Variants in PXDN observed in about 807,000 individuals in gnomAD.
The protein encoded by PXDN is peroxidasin.
In PXDN, 77 loss-of-function variants were observed where a neutral mutation model predicts 140.3. The ratio of observed to expected loss-of-function variants is 0.55; its 90% confidence interval spans 0.46 to 0.66. The LOEUF is 0.66. Ranked by LOEUF, PXDN falls within the 30% of genes least tolerant of loss-of-function variation. The pLI is 0.00. For synonymous variants in PXDN, 911 were observed against 857.4 expected (o/e 1.06, Z -1.09); for missense variants, 1,838 against 2,039.5 (o/e 0.90, Z 1.90).
chr2:1,665,585 G>A (rs1683416200), intron 10 of PXDN, among the ~76,000 whole-genome samples: 1 of 152,238 alleles, frequency 6.6e-6, no homozygotes, highest in Admixed American at 6.5e-5. Context: ...TTGCACTGCT[G>A]TGCGTGCAGA....
At chr2:1,680,455 A>C in intron 6 of PXDN, 93 bp from the exon 7 acceptor site, 1 of 1,487,970 alleles carries the variant, frequency 6.7e-7, no homozygotes, top group Non-Finnish European at 9.3e-7. Flanking sequence ...GCGTCGGGAA[A>C]CATGTGCCAG....
intron 8 of PXDN, among the ~76,000 whole-genome samples, chr2:1,675,520 G>T (rs1683679777): frequency 6.6e-6 from 1 of 152,184 alleles, no homozygotes; most frequent in African/African-American, 2.4e-5. Flanking sequence ...TGAAGAGAGT[G>T]ACTGCACCTT....
chr2:1,645,434 C>T (rs1008475273), intron 17 of PXDN, among the ~76,000 whole-genome samples: 1 of 152,208 alleles, frequency 6.6e-6, no homozygotes, highest in Non-Finnish European at 1.5e-5. Context: ...CTATTCAAAG[C>T]TCTACTCGAT....
At chr2:1,743,666 G>A (rs1685604362) in intron 1 of PXDN, among the ~76,000 whole-genome samples, 1 of 130,828 alleles carries the variant, frequency 7.6e-6, no homozygotes, top group Admixed American at 7.3e-5. Flanking sequence ...AGGAGGGGAA[G>A]GGAGGAGGAG....
intron 11 of PXDN, chr2:1,664,639 T>C (rs750439215): frequency 3.6e-6 from 1 of 279,252 alleles, no homozygotes; most frequent in Non-Finnish European, 6.7e-6. Context: ...AAGAGGCTAC[T>C]TAAAAGCACA....
chr2:1,644,839 C>G, intron 17 of PXDN, 87 bp from the exon 18 acceptor site: 1 of 1,267,302 alleles, frequency 7.9e-7, no homozygotes, highest in Non-Finnish European at 1.0e-6. Flanking sequence ...TTCTTTCTTT[C>G]TATCACTATT....
intron 10 of PXDN, among the ~76,000 whole-genome samples, 197 bp downstream of exon 10, chr2:1,666,017 G>C (rs1375941271): frequency 6.6e-6 from 1 of 152,216 alleles, no homozygotes; most frequent in Non-Finnish European, 1.5e-5. Flanking sequence ...CCATACTACA[G>C]AGCCTTCTGT....
At chr2:1,638,689 C>A (rs1416576799) in intron 21 of PXDN, among the ~76,000 whole-genome samples, 157 bp downstream of exon 21, 3 of 152,144 alleles carry the variant, frequency 2.0e-5, no homozygotes, top group Non-Finnish European at 4.4e-5. Flanking sequence ...CCTGACCCAG[C>A]GTGCAGAAAT....
rs550784477 is a variant in PXDN at position 1,716,440 on chromosome 2, G to GAAAAAAAAA, written c.201-23315_201-23307dup. Among the ~76,000 whole-genome samples the GAAAAAAAAA allele has an allele frequency of 1.3e-3, 74 of 58,220 alleles. 1 individual carries two copies. In the East Asian group the frequency reaches 0.031, roughly 25 times the overall value. The allele number at this position is 58,220 out of a possible 152,430, so 38.2% of individuals were successfully genotyped here. Reference sequence around the variant, plus strand: ...GCAACAGAGTGAGACTCCATCTCAGGAAAAAAAAAAAAAAAAAAAAAAAAA... The same window carrying GAAAAAAAAA: ...GCAACAGAGTGAGACTCCATCTCAGGAAAAAAAAAAAAAAAAAAAAAAAAAAAAAAAAAA... On this transcript the variant is annotated intron_variant, in intron 1 of 22. Coordinates refer to ENST00000252804, the MANE Select transcript of PXDN (RefSeq NM_012293.3).
intron 11 of PXDN, 43 bp downstream of exon 11, chr2:1,664,915 G>A (rs781609712): frequency 4.6e-5 from 68 of 1,471,926 alleles, no homozygotes; most frequent in Non-Finnish European, 5.8e-5. Context: ...TCCTGCGTCT[G>A]TGGCCGCGGA....
At chr2:1,693,221 G>T in intron 1 of PXDN, 87 bp from the exon 2 acceptor site, 2 of 1,104,546 alleles carry the variant, frequency 1.8e-6, no homozygotes, top group Non-Finnish European at 2.6e-6. Context: ...TCAAAATGGT[G>T]ACAATGCATT....
chr2:1,652,170 C>G (rs1214198472), intron 16 of PXDN, among the ~76,000 whole-genome samples: 1 of 152,160 alleles, frequency 6.6e-6, no homozygotes, highest in Non-Finnish European at 1.5e-5. Flanking sequence ...CAACAGCCTG[C>G]CTTTGAGGAG....
chr2:1,728,128 G>A (rs1010972147), intron 1 of PXDN, among the ~76,000 whole-genome samples: 3 of 152,138 alleles, frequency 2.0e-5, no homozygotes, highest in Non-Finnish European at 2.9e-5. Flanking sequence ...TTGTAGAGAC[G>A]GGTCTCGCCA....
Position 1,685,452 on chromosome 2 carries a change from G to A in PXDN, c.417-1301C>T, listed in dbSNP as rs1042094107. ...GCTGACAGGGCGCCTGTGGTTTTCTGGGGTCCTTGGCCTTTCACAGCCCAT... is the reference window on the plus strand; with the variant it reads ...GCTGACAGGGCGCCTGTGGTTTTCTAGGGTCCTTGGCCTTTCACAGCCCAT... On this transcript the variant is annotated intron_variant, in intron 4 of 22. Transcript: ENST00000252804. The surrounding 1 kb of genome is among the most constrained non-coding windows in gnomAD (Gnocchi z 5.1). Among the ~76,000 whole-genome samples, 1 of 152,114 alleles carries A rather than the reference G, an allele frequency of 6.6e-6. No homozygotes were observed. The highest frequency in any genetic ancestry group is 2.4e-5 in the African/African-American group (1 of 41,426).
At chr2:1,737,401 A>G (rs1685446601) in intron 1 of PXDN, among the ~76,000 whole-genome samples, 1 of 152,076 alleles carries the variant, frequency 6.6e-6, no homozygotes, top group South Asian at 2.1e-4. Context: ...CAGTCTACTC[A>G]TGGTTTTTGT....
At chr2:1,736,824 C>G (rs764234173) in intron 1 of PXDN, among the ~76,000 whole-genome samples, 4 of 152,080 alleles carry the variant, frequency 2.6e-5, no homozygotes, top group African/African-American at 9.7e-5. Flanking sequence ...AAGTATGTGC[C>G]CTTTTAAAAT....
chr2:1,739,421 C>G (rs1685489816), intron 1 of PXDN, among the ~76,000 whole-genome samples: 1 of 152,124 alleles, frequency 6.6e-6, no homozygotes, highest in Admixed American at 6.5e-5. Context: ...GATTCAGAGT[C>G]ATAGAGAAGG....
At chr2:1,738,367 G>A (rs745799654) in intron 1 of PXDN, among the ~76,000 whole-genome samples, 9 of 152,108 alleles carry the variant, frequency 5.9e-5, no homozygotes, top group African/African-American at 1.9e-4. Flanking sequence ...GAGATCACTC[G>A]ATTCCCAGCC....
intron 1 of PXDN, among the ~76,000 whole-genome samples, chr2:1,734,694 C>T (rs1685391579): frequency 6.6e-6 from 1 of 152,086 alleles, no homozygotes; most frequent in African/African-American, 2.4e-5. Context: ...TGGTGAAACC[C>T]CGTCTCTCCT....
Sources: gnomAD v4.1 joint callset for allele counts (sites outside exome capture counted in the v4.1 genomes callset) on GRCh38, gnomAD v4.1.1 for gene constraint, Gnocchi (gnomAD v3.1) non-coding constraint, MANE v1.5 for transcripts, NCBI Gene and HGNC (gene_info 2026-07-23, HGNC 2026-07-21) for gene names.